The following ME1 variants were observed in gnomAD, a reference collection of about 807,000 sequenced individuals.
The protein encoded by ME1 is NADP-dependent malic enzyme.
In ME1, 74 loss-of-function variants were observed where a neutral mutation model predicts 66.4. That is an observed-to-expected ratio of 1.11 (90% confidence interval 0.92 to 1.35). The LOEUF (loss-of-function observed/expected upper bound fraction) is 1.35, where lower values mean the gene tolerates loss of function less well. Ranked by LOEUF, ME1 falls within the 40% of genes most tolerant of loss-of-function variation. ME1 has a pLI of 0.00. For missense variants in ME1, 750 were observed against 694.1 expected (o/e 1.08, Z -0.90); for synonymous variants, 251 against 235.6 (o/e 1.07, Z -0.60).
At chr6:83,230,228 G>C (rs1390093006) in intron 9 of ME1, among the ~76,000 whole-genome samples, 1 of 151,754 alleles carries the variant, frequency 6.6e-6, no homozygotes, top group Non-Finnish European at 1.5e-5. Flanking sequence ...CCAGGCTGGA[G>C]TGCAGTGGCG....
At chr6:83,233,658 A>G (rs1377852589) in intron 9 of ME1, among the ~76,000 whole-genome samples, 3 of 151,984 alleles carry the variant, frequency 2.0e-5, no homozygotes, top group African/African-American at 7.2e-5. Context: ...TTTCACCAAG[A>G]AAATTTTTTA....
intron 13 of ME1, among the ~76,000 whole-genome samples, chr6:83,215,762 T>G (rs1296295609): frequency 6.6e-6 from 1 of 152,198 alleles, no homozygotes; most frequent in Non-Finnish European, 1.5e-5. Flanking sequence ...CATCTTTATC[T>G]TAGACTTCTA....
At chr6:83,375,168 C>T (rs2128547714) in intron 3 of ME1, among the ~76,000 whole-genome samples, 1 of 152,238 alleles carries the variant, frequency 6.6e-6, no homozygotes, top group Non-Finnish European at 1.5e-5. Context: ...AGCATTGAAT[C>T]TATAAATTAC....
At chr6:83,386,658 A>T (rs549701099) in intron 3 of ME1, among the ~76,000 whole-genome samples, 3 of 152,130 alleles carry the variant, frequency 2.0e-5, no homozygotes, top group South Asian at 4.1e-4. Context: ...CAAGTAGAAT[A>T]GCATTAAACT....
At chr6:83,233,518 A>C (rs1790340786) in intron 9 of ME1, among the ~76,000 whole-genome samples, 1 of 152,048 alleles carries the variant, frequency 6.6e-6, no homozygotes, top group African/African-American at 2.4e-5. Context: ...TATGCCTGTG[A>C]TGTTGAAAGT....
At chr6:83,321,032 C>T (rs1348010315) in intron 5 of ME1, among the ~76,000 whole-genome samples, 1 of 152,146 alleles carries the variant, frequency 6.6e-6, no homozygotes, top group Non-Finnish European at 1.5e-5. Context: ...GGCATCGCTG[C>T]ACCCAGGAAG....
chr6:83,343,977 A>C (rs533771370), intron 5 of ME1, among the ~76,000 whole-genome samples: 2 of 152,144 alleles, frequency 1.3e-5, no homozygotes, highest in East Asian at 3.9e-4. Flanking sequence ...TCCACATTAT[A>C]CAAACAATCT....
intron 6 of ME1, among the ~76,000 whole-genome samples, chr6:83,301,515 G>T (rs1281323927): frequency 2.6e-5 from 4 of 151,866 alleles, no homozygotes. Context: ...GCTAATTTTT[G>T]TATTTTTAGT....
At position 83,210,511 on chromosome 6, in the gene ME1, A is replaced by G. The variant is rs1789854418; in HGVS notation, c.*1413T>C. The G allele has an allele frequency of 6.6e-6, 1 of 152,658 alleles. No homozygotes were observed. The highest frequency in any genetic ancestry group is 2.4e-5 in the African/African-American group (1 of 41,456). 9.5% of individuals were successfully genotyped at this position (152,658 alleles called of 1,614,324 possible). On this transcript the variant is annotated 3_prime_UTR_variant, in exon 14 of 14. Coordinates refer to ENST00000369705, the MANE Select transcript of ME1 (RefSeq NM_002395.6). The stretch of plus-strand genomic sequence containing the variant: ...ATAAGACAACATAGAAACAGACAAG[A>G]AATACACAGACATTCTGATTCTTCT...
intron 4 of ME1, among the ~76,000 whole-genome samples, chr6:83,349,146 AAT>A (rs1440591796): frequency 5.9e-4 from 89 of 151,334 alleles, no homozygotes; most frequent in South Asian, 2.1e-4. Flanking sequence ...AAGTTTTTAA[AAT>A]ATGTTTTGAG....
intron 6 of ME1, among the ~76,000 whole-genome samples, chr6:83,286,855 A>G (rs1767406443): frequency 6.6e-6 from 1 of 152,162 alleles, no homozygotes; most frequent in Non-Finnish European, 1.5e-5. Context: ...CTCATGAACT[A>G]CATCAGATGA....
intron 1 of ME1, among the ~76,000 whole-genome samples, chr6:83,426,850 T>G (rs749748157): frequency 1.3e-5 from 2 of 152,226 alleles, no homozygotes; most frequent in Admixed American, 6.5e-5. Context: ...TATTATTTAC[T>G]CTTAAGATAT....
rs372420938 is a variant in ME1, at chr6:83,278,335, G to T, written c.705-24597C>A. Among the ~76,000 whole-genome samples, 9 of 152,204 alleles carry T rather than the reference G, an allele frequency of 5.9e-5. No individual in the cohort carries two copies. In the East Asian group the frequency reaches 1.3e-3, roughly 23 times the overall value. ...TATGGGGGCCTCCACACTTTCATAAGTTTTATCTCCAGGAGCTTCATTAGG... is the reference window on the plus strand; with the variant it reads ...TATGGGGGCCTCCACACTTTCATAATTTTTATCTCCAGGAGCTTCATTAGG... On this transcript the variant is annotated intron_variant, in intron 6 of 13. Coordinates refer to ENST00000369705, the MANE Select transcript of ME1 (RefSeq NM_002395.6).
Position 83,349,512 on chromosome 6 carries a change from T to C in ME1, c.438+2552A>G, listed in dbSNP as rs141391617. Among the ~76,000 whole-genome samples the C allele has an allele frequency of 2.6e-3, 392 of 152,356 alleles. 3 individuals are homozygous for C. Among genetic ancestry groups the C allele is most frequent in the Non-Finnish European group, 3.6e-3 (245 of 68,034 alleles). Reference sequence around the variant, plus strand: ...TAGGCATTACCTGAATAGAAACTTCTGTATGAAATACGCAGATTTCTCCTG... The same window carrying C: ...TAGGCATTACCTGAATAGAAACTTCCGTATGAAATACGCAGATTTCTCCTG... On this transcript the variant is annotated intron_variant, in intron 4 of 13. Coordinates refer to ENST00000369705, the MANE Select transcript of ME1 (RefSeq NM_002395.6).
At chr6:83,359,327 G>A (rs892870155) in intron 3 of ME1, among the ~76,000 whole-genome samples, 1 of 152,194 alleles carries the variant, frequency 6.6e-6, no homozygotes, top group East Asian at 1.9e-4. Context: ...GAGGTTGAAA[G>A]TGTGACCCAT....
intron 6 of ME1, among the ~76,000 whole-genome samples, chr6:83,309,500 G>A (rs1180869239): frequency 6.6e-6 from 1 of 152,134 alleles, no homozygotes; most frequent in Non-Finnish European, 1.5e-5. Flanking sequence ...CATTTACTGA[G>A]ATGGGAAAGG....
chr6:83,360,565 G>C (rs1252294670), intron 3 of ME1, among the ~76,000 whole-genome samples: 3 of 152,174 alleles, frequency 2.0e-5, no homozygotes, highest in Admixed American at 2.0e-4. Context: ...TCCCTGACTG[G>C]TAGGGTGAGG....
intron 3 of ME1, among the ~76,000 whole-genome samples, chr6:83,356,682 G>A (rs1422785271): frequency 4.6e-5 from 7 of 152,120 alleles, no homozygotes; most frequent in Non-Finnish European, 1.0e-4. Flanking sequence ...AGAAAGCACA[G>A]ATCAATATGA....
At chr6:83,411,349 G>C (rs183405576) in intron 1 of ME1, among the ~76,000 whole-genome samples, 74 of 151,494 alleles carry the variant, frequency 4.9e-4, no homozygotes, top group African/African-American at 1.7e-3. Context: ...AGGTGACAGA[G>C]CAAGACTCCG....
Sources: gnomAD v4.1 joint callset for allele counts (sites outside exome capture counted in the v4.1 genomes callset) on GRCh38, gnomAD v4.1.1 for gene constraint, MANE v1.5 for transcripts, NCBI Gene and HGNC (gene_info 2026-07-23, HGNC 2026-07-21) for gene names.